Variants in PIGX observed in about 807,000 individuals in gnomAD.
The protein encoded by PIGX is phosphatidylinositol glycan anchor biosynthesis class X.
PIGX carries 24 observed loss-of-function variants against 28.7 expected under a neutral mutation model. That is an observed-to-expected ratio of 0.84 (90% CI 0.60 to 1.17). The LOEUF (loss-of-function observed/expected upper bound fraction) is 1.17. PIGX is among the 50% of genes most tolerant of loss of function. PIGX has a pLI of 0.00. For missense variants in PIGX, 305 were observed against 317.8 expected (o/e 0.96, Z 0.31); for synonymous variants, 127 against 121.0 (o/e 1.05, Z -0.33).
chr3:196,721,165 T>C, intron 2 of PIGX: 1 of 379,610 alleles, frequency 2.6e-6, no homozygotes, highest in Non-Finnish European at 5.1e-6. Context: ...TACATTCTCT[T>C]CTCTTTTTTA....
chr3:196,731,000 AT>A lies in PIGX; in HGVS notation c.545del (p.Leu182Ter). On this transcript the variant is annotated frameshift_variant, in exon 5 of 6. Coordinates refer to ENST00000392391, the MANE Select transcript of PIGX (RefSeq NM_017861.4). LOFTEE classifies it high-confidence loss of function. ...TCTACCACTTTTCTCAGAGTTCCCG[AT>A]TTTGAAATGCTGGGCTCACTCAGAA... 1.9e-6 allele frequency: 3 copies of A among 1,607,058 alleles called. No homozygotes were observed. The highest frequency in any genetic ancestry group is 2.6e-6 in the Non-Finnish European group (3 of 1,174,430).
chr3:196,713,360 G>A (rs938463755), intron 1 of PIGX, among the ~76,000 whole-genome samples: 26 of 151,814 alleles, frequency 1.7e-4, no homozygotes, highest in Non-Finnish European at 5.9e-5. Context: ...GAGTGCAATG[G>A]CGCGATCTCG....
rs563801931 is a variant in PIGX at position 196,733,964 on chromosome 3, G to A, written c.*62G>A. On this transcript the variant is annotated 3_prime_UTR_variant, in exon 6 of 6. Coordinates refer to ENST00000392391, the MANE Select transcript of PIGX (RefSeq NM_017861.4). The surrounding 1 kb of genome is among the most constrained non-coding windows in gnomAD (Gnocchi z 4.3). ...AAGATCTATTAATTTCTGACGAGAG[G>A]TGTTCTTCTAGAATTAATTACTTTT... The A allele has an allele frequency of 2.9e-6, 3 of 1,041,470 alleles. No individual in the cohort carries two copies. The highest frequency in any genetic ancestry group is 3.2e-5 in the African/African-American group (2 of 63,028). 64.5% of individuals were successfully genotyped at this position (1,041,470 alleles called of 1,614,324 possible).
rs147230969 is a variant in PIGX at position 196,723,296 on chromosome 3, G to A, written c.318+740G>A. Among the ~76,000 whole-genome samples, 1,230 of 152,150 alleles carry A rather than the reference G, an allele frequency of 8.1e-3. 12 individuals carry two copies. The highest frequency in any genetic ancestry group is 0.028 in the African/African-American group (1,174 of 41,440). ...GCGGAGGTTGCAGTGAGCCGAGATC[G>A]CATCATTGCACTCCAGCCTGGGTGA... On this transcript the variant is annotated intron_variant, in intron 3 of 5. Transcript: ENST00000392391.
Position 196,733,915 on chromosome 3 carries a change from T to C in PIGX, c.*13T>C, listed in dbSNP as rs1712917770. 3 of 1,515,576 alleles carry C rather than the reference T, an allele frequency of 2.0e-6. No individual in the cohort carries two copies. Among genetic ancestry groups the C allele is most frequent in the Admixed American group, 1.7e-5 (1 of 59,434 alleles). The allele number at this position is 1,515,576 out of a possible 1,614,324, so 93.9% of individuals were successfully genotyped here. ...TTTTTCCCTATAAGTTTTATGTAGT[T>C]AAATGCTTCCTAGAAACCTAAATAA... is the stretch of plus-strand genomic sequence containing the variant. On this transcript the variant is annotated 3_prime_UTR_variant, in exon 6 of 6. Coordinates refer to ENST00000392391, the MANE Select transcript of PIGX (RefSeq NM_017861.4). This position sits in a 1 kb window ranked among gnomAD's most constrained non-coding sequence, Gnocchi z 4.3.
At chr3:196,717,848 A>G (rs1712162775) in intron 2 of PIGX, 1 of 152,194 alleles carries the variant, frequency 6.6e-6, no homozygotes, top group South Asian at 2.1e-4. Context: ...AAAAGAAATT[A>G]TCTTCAAAAG....
At chr3:196,722,608 A>G (rs1712366234) in intron 3 of PIGX, 52 bp downstream of exon 3, 1 of 1,488,924 alleles carries the variant, frequency 6.7e-7, no homozygotes, top group Non-Finnish European at 9.3e-7. Flanking sequence ...GGGGTGCTGT[A>G]GTTTGGATTA....
In PIGX at chr3:196,733,966, G is replaced by T; in HGVS notation, c.*64G>T. ...GATCTATTAATTTCTGACGAGAGGTGTTCTTCTAGAATTAATTACTTTTAT... is the reference window on the plus strand; with the variant it reads ...GATCTATTAATTTCTGACGAGAGGTTTTCTTCTAGAATTAATTACTTTTAT... On this transcript the variant is annotated 3_prime_UTR_variant, in exon 6 of 6. Transcript: ENST00000392391. This position sits in a 1 kb window ranked among gnomAD's most constrained non-coding sequence, Gnocchi z 4.3. 2 of 1,024,116 alleles carry T rather than the reference G, an allele frequency of 2.0e-6. No homozygotes were observed. Among genetic ancestry groups the T allele is most frequent in the Non-Finnish European group, 3.0e-6 (2 of 666,244 alleles). 63.4% of individuals were successfully genotyped at this position (1,024,116 alleles called of 1,614,324 possible).
intron 4 of PIGX, chr3:196,728,846 C>G (rs1712628542): frequency 4.1e-6 from 3 of 732,796 alleles, no homozygotes; most frequent in African/African-American, 1.7e-5. Context: ...CACATTACCC[C>G]TCTGTTGCTT....
Position 196,724,173 on chromosome 3 carries a change from C to G in PIGX, c.318+1617C>G, listed in dbSNP as rs372069018. Among the ~76,000 whole-genome samples the G allele has an allele frequency of 2.8e-4, 43 of 152,036 alleles. No individual in the cohort carries two copies. The East Asian group carries it at 7.9e-3, about 28-fold the overall frequency. On this transcript the variant is annotated intron_variant, in intron 3 of 5. Transcript: ENST00000392391. ...AGGATTACAGGTGCATGCCACCATG[C>G]CTGGCTAATTTTTGTATTTTTAGTA... is the stretch of plus-strand genomic sequence containing the variant.
chr3:196,728,236 G>C, intron 4 of PIGX, 100 bp downstream of exon 4: 1 of 817,776 alleles, frequency 1.2e-6, no homozygotes, highest in East Asian at 2.7e-5. Context: ...CCTATGTCTT[G>C]ACCTAGGTGG....
intron 3 of PIGX, chr3:196,726,686 C>T (rs762096222): frequency 6.6e-6 from 3 of 456,518 alleles, no homozygotes; most frequent in Non-Finnish European, 1.3e-5. Context: ...CTATGGTTGC[C>T]TTCTGATAAT....
At chr3:196,729,391 T>G (rs530659545) in intron 4 of PIGX, among the ~76,000 whole-genome samples, 31 of 151,692 alleles carry the variant, frequency 2.0e-4, no homozygotes, top group Admixed American at 1.4e-3. Flanking sequence ...CTTCTCAAGA[T>G]GTTTTCTTTC....
Position 196,727,999 on chromosome 3 carries a change from C to A in PIGX, c.395C>A (p.Ala132Asp). Residue 132 changes from alanine to aspartate, a missense_variant, in exon 4 of 6, where the codon GCC (alanine) becomes GAC (aspartate). By Grantham distance (126) the Ala-to-Asp change is moderately radical (BLOSUM62 -2). Coordinates refer to ENST00000392391, the MANE Select transcript of PIGX (RefSeq NM_017861.4). Reference sequence around the variant, plus strand: ...AAGGAGTCTGAAGTTCTCATTTATGCCAGACGAGATTCACAGTGCATTGAC... The same window carrying A: ...AAGGAGTCTGAAGTTCTCATTTATGACAGACGAGATTCACAGTGCATTGAC... 6.2e-7 allele frequency: 1 copy of A among 1,613,874 alleles called. No homozygotes were observed. Among genetic ancestry groups the A allele is most frequent in the Non-Finnish European group, 8.5e-7 (1 of 1,179,782 alleles).
intron 1 of PIGX, among the ~76,000 whole-genome samples, chr3:196,714,238 A>C (rs1711988669): frequency 6.6e-6 from 1 of 152,180 alleles, no homozygotes; most frequent in African/African-American, 2.4e-5. Context: ...CTGAGGTGGA[A>C]GGATTGCTTG....
At position 196,722,573 on chromosome 3, in the gene PIGX, A is replaced by G. The variant is rs1008789352; in HGVS notation, c.318+17A>G. On this transcript the variant is annotated intron_variant, in intron 3 of 5. Coordinates refer to ENST00000392391, the MANE Select transcript of PIGX (RefSeq NM_017861.4). ...ATAACAGAGGTACAGTTATTAGGGG[A>G]TTTTTTGGGAGAGAAATTAATTTAG... 2.2e-5 allele frequency: 35 copies of G among 1,603,480 alleles called. No homozygotes were observed. Among genetic ancestry groups the G allele is most frequent in the Non-Finnish European group, 2.9e-5 (34 of 1,174,532 alleles).
Position 196,716,880 on chromosome 3 carries a change from AATT to A in PIGX, c.139_141del (p.Ile47del). 3.1e-6 allele frequency: 5 copies of A among 1,608,116 alleles called. No homozygotes were observed. The highest frequency in any genetic ancestry group is 4.3e-6 in the Non-Finnish European group (5 of 1,175,018). On this transcript the variant is annotated inframe_deletion, in exon 2 of 6. Coordinates refer to ENST00000392391, the MANE Select transcript of PIGX (RefSeq NM_017861.4). Reference sequence around the variant, plus strand: ...TAGGCATAAGGGCCATGTGTTCTGAAATTATTTTGAGGCAAGAAGTTTTGAAAG... The same window carrying A: ...TAGGCATAAGGGCCATGTGTTCTGAAATTTTGAGGCAAGAAGTTTTGAAAG...
Position 196,712,504 on chromosome 3 carries a change from C to G in PIGX, c.-29C>G, listed in dbSNP as rs1177383123. The G allele has an allele frequency of 9.2e-7, 1 of 1,089,964 alleles. No individual in the cohort carries two copies. The allele number at this position is 1,089,964 out of a possible 1,614,324, so 67.5% of individuals were successfully genotyped here. ...CTGCGTCCGCACCTGGCCCCGCGCG[C>G]CCCTCTCGGGCGTCCGGCTTCCGGC... is the stretch of plus-strand genomic sequence containing the variant. On this transcript the variant is annotated 5_prime_UTR_variant, in exon 1 of 6. Transcript: ENST00000392391.
intron 2 of PIGX, among the ~76,000 whole-genome samples, chr3:196,722,007 C>T (rs534391214): frequency 6.6e-6 from 1 of 152,346 alleles, no homozygotes; most frequent in South Asian, 2.1e-4. Context: ...CTGCCTCAGC[C>T]TTCCAAAGTG....
Sources: gnomAD v4.1 joint callset for allele counts (sites outside exome capture counted in the v4.1 genomes callset) on GRCh38, gnomAD v4.1.1 for gene constraint, Gnocchi (gnomAD v3.1) non-coding constraint, MANE v1.5 for transcripts, NCBI Gene and HGNC (gene_info 2026-07-23, HGNC 2026-07-21) for gene names.